Variants in MUC12 observed in about 807,000 individuals in gnomAD.
MUC12 encodes mucin-12.
Under a neutral mutation model 230.8 loss-of-function variants are expected in MUC12, and 172 were observed. The ratio of observed to expected loss-of-function variants is 0.75; its 90% CI spans 0.66 to 0.85. MUC12 has a LOEUF of 0.85. Among genes scored for constraint, MUC12 ranks in the 40% least tolerant of loss-of-function variants. MUC12 has a pLI of 0.00. For synonymous variants in MUC12, 1,259 were observed against 2,401.9 expected (o/e 0.52, Z 13.91); for missense variants, 3,506 against 5,920.6 (o/e 0.59, Z 13.38).
chr7:101,014,262 T>G, intron 9 of MUC12, 188 bp downstream of exon 9: 1 of 531,582 alleles, frequency 1.9e-6, no homozygotes, highest in Admixed American at 3.8e-5. Flanking sequence ...GTAGGATACA[T>G]CAATTTGGCA....
At chr7:100,971,921 C>T (rs1235189954) in intron 1 of MUC12, among the ~76,000 whole-genome samples, 1 of 152,310 alleles carries the variant, frequency 6.6e-6, no homozygotes, top group South Asian at 2.1e-4. Flanking sequence ...CAACCAAAAA[C>T]CCCCGTTCCT....
At chr7:100,988,289 G>GAAAAAAAAAAAAA (rs1167163725) in intron 1 of MUC12, among the ~76,000 whole-genome samples, 1 of 78,724 alleles carries the variant, frequency 1.3e-5, no homozygotes, top group African/African-American at 4.6e-5. Flanking sequence ...GGCTGTCCCA[G>GAAAAAAAAAAAAA]AAAAAAAAAA....
In MUC12 at chr7:101,004,331, C is replaced by G; in HGVS notation, c.13768C>G (p.Pro4590Ala). ...AGTTGCAACTGCAACAACACCCTCGCCTGCCCGCTCCACAACCTCAGGCCT... is the reference window on the plus strand; with the variant it reads ...AGTTGCAACTGCAACAACACCCTCGGCTGCCCGCTCCACAACCTCAGGCCT... ...SPVATATTPSPARSTTSGLVE... is the reference protein window; with the variant it reads ...SPVATATTPSAARSTTSGLVE... Residue 4590 changes from proline to alanine, a missense_variant, in exon 2 of 12, where the codon CCT becomes GCT. Coordinates refer to ENST00000536621, the MANE Select transcript of MUC12 (RefSeq NM_001164462.2). 7.8e-7 allele frequency: 1 copy of G among 1,276,674 alleles called. No individual in the cohort carries two copies. Among genetic ancestry groups the G allele is most frequent in the Non-Finnish European group, 1.0e-6 (1 of 957,474 alleles). The allele number at this position is 1,276,674 out of a possible 1,614,324, so 79.1% of individuals were successfully genotyped here.
chr7:100,972,879 G>A (rs1463744174), intron 1 of MUC12: 2 of 702,926 alleles, frequency 2.8e-6, no homozygotes, highest in South Asian at 1.5e-5. Context: ...GGACTGGTGA[G>A]GTTTTGGAGA....
intron 1 of MUC12, chr7:100,972,939 T>A (rs776319637): frequency 8.5e-6 from 6 of 703,082 alleles, no homozygotes; most frequent in African/African-American, 3.5e-5. Flanking sequence ...AGAAAAATCA[T>A]TTCCACAGGT....
At chr7:100,987,126 G>T (rs1382683676) in intron 1 of MUC12, among the ~76,000 whole-genome samples, 1 of 139,756 alleles carries the variant, frequency 7.2e-6, no homozygotes, top group Non-Finnish European at 1.5e-5. Flanking sequence ...GAGTGCAATG[G>T]TGCAATCTCG....
chr7:101,004,411 C>A lies in MUC12; in HGVS notation c.13848C>A (p.His4616Gln). Residue 4616 changes from histidine (H) to glutamine (Q), a missense_variant, in exon 2 of 12, where the codon CAC (histidine) becomes CAA (glutamine). Transcript: ENST00000536621. ...GCCCGGGCTCAACTCAAACAATGCA[C>A]TTCCCTGAAAGCTCCACAGCTTCAG... ...HSSPGSTQTM[H>Q]FPESSTASGR... 1 of 1,510,664 alleles carries A rather than the reference C, an allele frequency of 6.6e-7. No individual in the cohort carries two copies. The highest frequency in any genetic ancestry group is 8.8e-7 in the Non-Finnish European group (1 of 1,137,788). 93.6% of individuals were successfully genotyped at this position (1,510,664 alleles called of 1,614,324 possible).
chr7:100,981,272 T>G (rs1793100576), intron 1 of MUC12: 3 of 436,232 alleles, frequency 6.9e-6, no homozygotes, highest in Non-Finnish European at 4.1e-6. Flanking sequence ...GCACTTGCTC[T>G]GTGACATCCT....
chr7:100,969,712 T>A, intron 1 of MUC12, 23 bp downstream of exon 1: 2 of 1,537,378 alleles, frequency 1.3e-6, no homozygotes, highest in African/African-American at 2.7e-5. Flanking sequence ...GGGCTGATGC[T>A]CCAGGTCCAG....
chr7:100,984,816 TGAG>T (rs1793164433), intron 1 of MUC12, among the ~76,000 whole-genome samples: 1 of 152,324 alleles, frequency 6.6e-6, no homozygotes, highest in East Asian at 1.9e-4. Flanking sequence ...TGCCTAGCAC[TGAG>T]GAGCTACCCC....
Position 100,995,625 on chromosome 7 carries a change from A to T in MUC12, c.5062A>T (p.Thr1688Ser). ...TACAACACGTCAGGGAGAATCTACC[A>T]CCTTCCAGAGCTGGCCAAGCTCAAA... The part of the protein sequence containing the change: ...GSTTRQGEST[T>S]FQSWPSSKDT... Residue 1688 changes from threonine (T) to serine (S), a missense_variant, in exon 2 of 12, where the codon ACC (threonine) becomes TCC (serine). Thr to Ser is a moderately conservative substitution (Grantham distance 58). Coordinates refer to ENST00000536621, the MANE Select transcript of MUC12 (RefSeq NM_001164462.2). 1 of 1,536,776 alleles carries T rather than the reference A, an allele frequency of 6.5e-7. No individual in the cohort carries two copies. The highest frequency in any genetic ancestry group is 8.7e-7 in the Non-Finnish European group (1 of 1,147,016).
At position 101,015,691 on chromosome 7, in the gene MUC12, G is replaced by A. The variant is rs1183152969; in HGVS notation, c.15877G>A (p.Asp5293Asn). 3 of 1,537,280 alleles carry A rather than the reference G, an allele frequency of 2.0e-6. No individual in the cohort carries two copies. Among genetic ancestry groups the A allele is most frequent in the Non-Finnish European group, 1.7e-6 (2 of 1,146,832 alleles). Residue 5293 changes from aspartate to asparagine, a missense_variant and splice_region_variant, in exon 10 of 12, where the codon GAC becomes AAC. By Grantham distance (23) the Asp-to-Asn change is conservative (BLOSUM62 1). Transcript: ENST00000536621. ...CTTCCAGAAGACGGCCATCTGGGAAGGTACCTCTAGTTAAGGGCAAGGAGA... is the reference window on the plus strand; with the variant it reads ...CTTCCAGAAGACGGCCATCTGGGAAAGTACCTCTAGTTAAGGGCAAGGAGA... ...GIFQKTAIWE[D>N]QNLRESRFGL...
At position 100,986,417 on chromosome 7, in the gene MUC12, CA is replaced by C. The variant is rs111411249; in HGVS notation, c.68-4202del. Among the ~76,000 whole-genome samples, 97 of 134,986 alleles carry C rather than the reference CA, an allele frequency of 7.2e-4. 1 individual carries two copies. The highest frequency in any genetic ancestry group is 5.0e-3 in the South Asian group (21 of 4,208). The allele number at this position is 134,986 out of a possible 152,430, so 88.6% of individuals were successfully genotyped here. A position where few individuals can be genotyped will look rare whatever the true frequency, so the allele number is the denominator to read the frequency against. The stretch of plus-strand genomic sequence containing the variant: ...CAGGTAACAGAGTGAGACCCTGTCT[CA>C]AAAAAAAAAAAGAAAAAAAAAGCCA... On this transcript the variant is annotated intron_variant, in intron 1 of 11. Transcript: ENST00000536621.
At chr7:101,013,866 A>G in intron 8 of MUC12, 47 bp from the exon 9 acceptor site, 3 of 1,500,314 alleles carry the variant, frequency 2.0e-6, no homozygotes, top group Non-Finnish European at 2.7e-6. Flanking sequence ...GGGATATTGG[A>G]TGTGAGGGAT....
At chr7:100,987,979 AAAAAG>A (rs1293086380) in intron 1 of MUC12, among the ~76,000 whole-genome samples, 2 of 149,634 alleles carry the variant, frequency 1.3e-5, no homozygotes, top group African/African-American at 4.9e-5. Context: ...CTAAAAAAAA[AAAAAG>A]AAAAGAAAAG....
chr7:100,970,954 G>A (rs968780306), intron 1 of MUC12, among the ~76,000 whole-genome samples: 9 of 151,252 alleles, frequency 6.0e-5, no homozygotes, highest in African/African-American at 2.2e-4. Context: ...CCGAGATCGC[G>A]CCACTGCACT....
chr7:100,993,731 TG>T lies in MUC12; in HGVS notation c.3170del (p.Gly1057GlufsTer29). On this transcript the variant is annotated frameshift_variant, in exon 2 of 12. Transcript: ENST00000536621. LOFTEE classifies it high-confidence loss of function. ...TATTCCACAGCAGCCCAGATGCAAGTGGAACAACACCCTCATCTGCCCACTC... is the reference window on the plus strand; with the variant it reads ...TATTCCACAGCAGCCCAGATGCAAGTGAACAACACCCTCATCTGCCCACTC... ...TIFHSSPDAS[G>X]TTPSSAHSTT... The T allele has an allele frequency of 7.7e-7, 1 of 1,306,970 alleles. No individual in the cohort carries two copies. Among genetic ancestry groups the T allele is most frequent in the Non-Finnish European group, 1.0e-6 (1 of 978,826 alleles). 81.0% of individuals were successfully genotyped at this position (1,306,970 alleles called of 1,614,324 possible).
chr7:101,012,744 G>C, intron 6 of MUC12, 75 bp from the exon 7 acceptor site: 1 of 1,470,646 alleles, frequency 6.8e-7, no homozygotes, highest in Non-Finnish European at 9.2e-7. Context: ...GTATAGAAGA[G>C]AGAGGCCTGG....
At chr7:100,972,509 C>CTTTTTTTTTTTT (rs764820674) in intron 1 of MUC12, among the ~76,000 whole-genome samples, 1 of 143,550 alleles carries the variant, frequency 7.0e-6, no homozygotes, top group Admixed American at 6.9e-5. Context: ...GCATCTGTAG[C>CTTTTTTTTTTTT]TTTTTTTTTT....
Sources: allele counts gnomAD v4.1 joint callset (sites outside exome capture counted in the v4.1 genomes callset), GRCh38; gene constraint gnomAD v4.1.1; transcripts MANE v1.5; gene names NCBI Gene and HGNC (gene_info 2026-07-23, HGNC 2026-07-21).